The following ARHGAP32 variants were observed in gnomAD, a reference collection of about 807,000 sequenced individuals.
ARHGAP32 encodes rho GTPase-activating protein 32.
In ARHGAP32, 51 loss-of-function variants were observed where a neutral mutation model predicts 186.5. The ratio of observed to expected loss-of-function variants is 0.27; its 90% CI spans 0.22 to 0.35. The LOEUF (loss-of-function observed/expected upper bound fraction) is 0.35. Among genes scored for constraint, ARHGAP32 ranks in the 10% least tolerant of loss-of-function variants. The pLI, the probability that ARHGAP32 is intolerant of heterozygous loss-of-function variation, is 1.00. For synonymous variants in ARHGAP32, 950 were observed against 964.3 expected, an observed-to-expected ratio of 0.99 and a Z score of 0.27; for missense variants, 2,186 against 2,623.5, an observed-to-expected ratio of 0.83 and a Z score of 3.64.
At chr11:129,027,334 T>A (rs1311398448) in intron 11 of ARHGAP32, among the ~76,000 whole-genome samples, 1 of 152,112 alleles carries the variant, frequency 6.6e-6, no homozygotes, top group Non-Finnish European at 1.5e-5. Context: ...AGCAAAGTGA[T>A]CCTCTTAACA....
intron 1 of ARHGAP32, among the ~76,000 whole-genome samples, chr11:129,259,582 A>T (rs56330335): frequency 0.31 from 47,413 of 151,748 alleles, 7,755 homozygotes; most frequent in Middle Eastern, 0.41. Flanking sequence ...AAAAAAAAAA[A>T]AATAAGCTAA....
intron 1 of ARHGAP32, among the ~76,000 whole-genome samples, chr11:129,224,525 C>G (rs1222970917): frequency 2.0e-5 from 3 of 151,952 alleles, no homozygotes; most frequent in South Asian, 2.1e-4. Context: ...GTAAGAACAG[C>G]AAATTTAATG....
intron 15 of ARHGAP32, 69 bp downstream of exon 15, chr11:128,985,934 A>G: frequency 9.5e-7 from 1 of 1,051,388 alleles, no homozygotes; most frequent in Non-Finnish European, 1.3e-6. Context: ...TAGAAATCCA[A>G]AGGAAAAAAA....
chr11:129,225,391 A>G (rs1423948753), intron 1 of ARHGAP32, among the ~76,000 whole-genome samples: 2 of 152,152 alleles, frequency 1.3e-5, no homozygotes, highest in Non-Finnish European at 2.9e-5. Context: ...ATGGCTAAGC[A>G]AAGTTATCAA....
intron 1 of ARHGAP32, among the ~76,000 whole-genome samples, chr11:129,275,550 C>G (rs1244540350): frequency 6.6e-6 from 1 of 152,010 alleles, no homozygotes; most frequent in African/African-American, 2.4e-5. Context: ...AGCACATATG[C>G]TAATTAAAGT....
chr11:129,223,721 A>C (rs1167322342), intron 1 of ARHGAP32, among the ~76,000 whole-genome samples: 2 of 152,228 alleles, frequency 1.3e-5, no homozygotes, highest in African/African-American at 4.8e-5. Context: ...GCTGATCCAC[A>C]GCAAAACAAA....
intron 10 of ARHGAP32, among the ~76,000 whole-genome samples, chr11:129,052,212 T>G (rs1940079822): frequency 6.6e-6 from 1 of 152,226 alleles, no homozygotes. Context: ...GTTGTCCATG[T>G]GTACAACTGT....
chr11:128,968,829 TA>T lies in ARHGAP32; in HGVS notation c.*77del. 2.6e-6 allele frequency: 3 copies of T among 1,161,272 alleles called. No homozygotes were observed. The highest frequency in any genetic ancestry group is 3.4e-6 in the Non-Finnish European group (3 of 893,130). The allele number at this position is 1,161,272 out of a possible 1,614,324, so 71.9% of individuals were successfully genotyped here. A position where few individuals can be genotyped will look rare whatever the true frequency, so the allele number is the denominator to read the frequency against. Reference sequence around the variant, plus strand: ...CAGGGGTTTTATAGTATTTTTTGTTTAATCTTTTTGGTTATTGAAAAAAATA... The same window carrying T: ...CAGGGGTTTTATAGTATTTTTTGTTTATCTTTTTGGTTATTGAAAAAAATA... On this transcript the variant is annotated 3_prime_UTR_variant, in exon 23 of 23. Transcript: ENST00000682385.
At chr11:129,137,059 C>A (rs1942951116) in intron 2 of ARHGAP32, among the ~76,000 whole-genome samples, 1 of 151,456 alleles carries the variant, frequency 6.6e-6, no homozygotes, top group East Asian at 1.9e-4. Flanking sequence ...ATTGCATCCA[C>A]ACAATGGAAT....
At chr11:129,141,967 T>G (rs910227961) in intron 2 of ARHGAP32, among the ~76,000 whole-genome samples, 22 of 152,100 alleles carry the variant, frequency 1.4e-4, no homozygotes, top group Admixed American at 1.3e-3. Flanking sequence ...CATAAATCAA[T>G]GAGATTAGAT....
At chr11:129,267,838 G>A (rs1216850595) in intron 1 of ARHGAP32, among the ~76,000 whole-genome samples, 3 of 152,294 alleles carry the variant, frequency 2.0e-5, no homozygotes, top group African/African-American at 7.2e-5. Flanking sequence ...AGGCAAAGGG[G>A]AGCCAGCATG....
At chr11:128,974,028 G>T in intron 21 of ARHGAP32, 96 bp downstream of exon 21, 1 of 1,405,680 alleles carries the variant, frequency 7.1e-7, no homozygotes, top group Non-Finnish European at 9.7e-7. Context: ...TTAAAGGCTA[G>T]CTGTGGACAA....
At chr11:129,224,216 G>A (rs780503836) in intron 1 of ARHGAP32, among the ~76,000 whole-genome samples, 11 of 152,134 alleles carry the variant, frequency 7.2e-5, no homozygotes, top group Non-Finnish European at 1.2e-4. Flanking sequence ...GAATTGGGCT[G>A]GAATATATGG....
intron 1 of ARHGAP32, among the ~76,000 whole-genome samples, chr11:129,254,103 T>C (rs1945223147): frequency 6.6e-6 from 1 of 152,082 alleles, no homozygotes; most frequent in Non-Finnish European, 1.5e-5. Flanking sequence ...TAACTCACAT[T>C]CAGTTCAAAT....
intron 11 of ARHGAP32, among the ~76,000 whole-genome samples, chr11:129,039,783 A>G (rs1939511828): frequency 6.6e-6 from 1 of 152,240 alleles, no homozygotes; most frequent in East Asian, 1.9e-4. Flanking sequence ...TGAAATCTAC[A>G]GTTACGAATG....
chr11:128,967,166 T>C lies in ARHGAP32; in HGVS notation c.*1741A>G, dbSNP rs1231517479. ...TGTTGTTCTTGAAACATTTTATTTTTTTCTAAATATAAACCCTTAAAATGC... is the reference window on the plus strand; with the variant it reads ...TGTTGTTCTTGAAACATTTTATTTTCTTCTAAATATAAACCCTTAAAATGC... On this transcript the variant is annotated 3_prime_UTR_variant, in exon 23 of 23. Coordinates refer to ENST00000682385, the MANE Select transcript of ARHGAP32 (RefSeq NM_001378024.1). The C allele has an allele frequency of 6.6e-6, 1 of 152,240 alleles. No individual in the cohort carries two copies. The highest frequency in any genetic ancestry group is 1.5e-5 in the Non-Finnish European group (1 of 68,042). 9.4% of individuals were successfully genotyped at this position (152,240 alleles called of 1,614,324 possible).
At position 129,093,714 on chromosome 11, in the gene ARHGAP32, C is replaced by T. The variant is rs1380122431; in HGVS notation, c.445-7G>A. 3.8e-6 allele frequency: 6 copies of T among 1,570,558 alleles called. No homozygotes were observed. Among genetic ancestry groups the T allele is most frequent in the Middle Eastern group, 3.3e-4 (2 of 5,998 alleles). On this transcript the variant is annotated splice_region_variant and splice_polypyrimidine_tract_variant and intron_variant, in intron 5 of 22. Transcript: ENST00000682385. Reference sequence around the variant, plus strand: ...GTTCTTCTGAAAGTGAAAGCTACATCACAGAAAAAAAAGAAGAGGGGGAAA... The same window carrying T: ...GTTCTTCTGAAAGTGAAAGCTACATTACAGAAAAAAAAGAAGAGGGGGAAA...
chr11:129,028,235 G>A (rs1042108905), intron 11 of ARHGAP32, among the ~76,000 whole-genome samples: 6 of 152,214 alleles, frequency 3.9e-5, no homozygotes, highest in Admixed American at 3.9e-4. Context: ...AGAAATGAAT[G>A]TGAACTCAGG....
In ARHGAP32 at chr11:129,129,353, G is replaced by A. The variant is rs1281363195; in HGVS notation, c.226-4459C>T. Among the ~76,000 whole-genome samples the A allele has an allele frequency of 1.3e-5, 2 of 151,608 alleles. 1 individual carries two copies. The highest frequency in any genetic ancestry group is 4.8e-5 in the African/African-American group (2 of 41,238). The stretch of plus-strand genomic sequence containing the variant: ...AAGTGAGGAGCCCCTCCGCCCGGCA[G>A]CCGCCCCGTCTGGGAAGTGAGGAGC... On this transcript the variant is annotated intron_variant, in intron 2 of 22. Transcript: ENST00000682385.
Sources: allele counts gnomAD v4.1 joint callset (sites outside exome capture counted in the v4.1 genomes callset), GRCh38; gene constraint gnomAD v4.1.1; transcripts MANE v1.5; gene names NCBI Gene and HGNC (gene_info 2026-07-23, HGNC 2026-07-21).